The following OPHN1 variants were observed in gnomAD, a reference collection of about 807,000 sequenced individuals.
OPHN1 encodes the protein oligophrenin-1.
A neutral mutation model predicts 60.7 loss-of-function variants in OPHN1; 11 were observed. The observed-to-expected ratio is 0.18, with a 90% CI of 0.11 to 0.30. OPHN1 has a LOEUF of 0.30. Ranked by LOEUF, OPHN1 falls within the 10% of genes least tolerant of loss-of-function variation. OPHN1 has a pLI of 1.00. For synonymous variants in OPHN1, 226 were observed against 222.6 expected, an observed-to-expected ratio of 1.02 and a Z score of -0.14; for missense variants, 449 against 611.0, an observed-to-expected ratio of 0.73 and a Z score of 2.80.
rs774232652 is a variant in OPHN1, at chrX:68,042,814, G to A, written c.*4358C>T. On this transcript the variant is annotated 3_prime_UTR_variant, in exon 25 of 25. Coordinates refer to ENST00000355520, the MANE Select transcript of OPHN1 (RefSeq NM_002547.3). ...CAACCATTGTGGAAGTCAGTGTGGC[G>A]ATTCCTCAGGGATCTAGAACTAGAA... 19 of 66,729 alleles carry A rather than the reference G, an allele frequency of 2.8e-4. 1 individual carries two copies. The South Asian group carries it at 0.02, about 69-fold the overall frequency. The allele number at this position is 66,729 out of a possible 1,213,427, so 5.5% of individuals were successfully genotyped here.
At chrX:68,132,977 C>T (rs1021277317) in intron 15 of OPHN1, 1 of 461,774 alleles carries the variant, frequency 2.2e-6, no homozygotes, top group South Asian at 2.7e-5. Flanking sequence ...CACTCCGGGC[C>T]TCAGGCCCCC....
At chrX:68,192,075 TC>T (rs1211001964) in intron 15 of OPHN1, among the ~76,000 whole-genome samples, 1 of 107,905 alleles carries the variant, frequency 9.3e-6, no homozygotes, top group Non-Finnish European at 1.9e-5. Context: ...AAAAAATCAA[TC>T]AATAGAAAAA....
chrX:68,357,577 T>C (rs1018621544), intron 2 of OPHN1, among the ~76,000 whole-genome samples: 4 of 110,835 alleles, frequency 3.6e-5, no homozygotes, highest in Non-Finnish European at 7.5e-5. Context: ...ACAAAGGACA[T>C]GAACTCATCA....
chrX:68,406,652 T>C (rs140257288), intron 2 of OPHN1, among the ~76,000 whole-genome samples: 3,801 of 111,666 alleles, frequency 0.034, 64 homozygotes, highest in Non-Finnish European at 0.048. Context: ...ACTTCTACTA[T>C]GCATATGTAA....
chrX:68,310,715 A>G (rs1180098606), intron 2 of OPHN1, among the ~76,000 whole-genome samples: 1 of 111,862 alleles, frequency 8.9e-6, no homozygotes, highest in Non-Finnish European at 1.9e-5. Flanking sequence ...GATTATCTCA[A>G]AAGAAACAAG....
intron 15 of OPHN1, among the ~76,000 whole-genome samples, chrX:68,189,535 G>A (rs2077479011): frequency 9.7e-6 from 1 of 103,131 alleles, no homozygotes; most frequent in South Asian, 4.8e-4. Flanking sequence ...GCCCCAGTGT[G>A]TGATGTTCCC....
chrX:68,222,795 G>A (rs2077668401), intron 6 of OPHN1, among the ~76,000 whole-genome samples: 1 of 69,769 alleles, frequency 1.4e-5, no homozygotes, highest in East Asian at 5.9e-4. Flanking sequence ...GGGGGAGGGG[G>A]GAGGGATAGC....
At chrX:68,240,454 T>A (rs746045075) in intron 5 of OPHN1, among the ~76,000 whole-genome samples, 1 of 111,260 alleles carries the variant, frequency 9.0e-6, no homozygotes, top group East Asian at 2.8e-4. Context: ...TATATATCCG[T>A]CTACTCAGTC....
At chrX:68,317,372 AAAGAAAGGAAGGAAGG>A (rs1444572368) in intron 2 of OPHN1, among the ~76,000 whole-genome samples, 21 of 63,402 alleles carry the variant, frequency 3.3e-4, no homozygotes, top group Non-Finnish European at 4.4e-4. Context: ...AGAAAGAAAG[AAAGAAAGGAAGGAAGG>A]AAGGAAGGAA....
At chrX:68,208,097 TTATTC>T (rs2077568238) in intron 9 of OPHN1, among the ~76,000 whole-genome samples, 1 of 108,892 alleles carries the variant, frequency 9.2e-6, no homozygotes, top group African/African-American at 3.4e-5. Context: ...TTTCTTTCTT[TTATTC>T]ATTTTTGAGA....
At chrX:68,283,238 A>G (rs1237961834) in intron 3 of OPHN1, 121 bp from the exon 4 acceptor site, 8 of 540,691 alleles carry the variant, frequency 1.5e-5, no homozygotes, top group Non-Finnish European at 2.6e-5. Flanking sequence ...CACTAGAGGA[A>G]GGTGTCAAAT....
At chrX:68,197,622 T>A (rs776765133) in intron 11 of OPHN1, among the ~76,000 whole-genome samples, 2 of 111,021 alleles carry the variant, frequency 1.8e-5, no homozygotes, top group Admixed American at 1.9e-4. Flanking sequence ...AGCCACTTTG[T>A]CTGAGCTCTA....
Position 68,099,568 on chromosome X carries a change from A to C in OPHN1, c.1527-2539T>G, listed in dbSNP as rs757507056. On this transcript the variant is annotated intron_variant, in intron 18 of 24. Transcript: ENST00000355520. Reference sequence around the variant, plus strand: ...ATAACTTCTAGTTTTAAGAAAGGGAAATTCCTAGGTCACATCTAATGTAAC... The same window carrying C: ...ATAACTTCTAGTTTTAAGAAAGGGACATTCCTAGGTCACATCTAATGTAAC... 6.3e-5 allele frequency among the ~76,000 whole-genome samples: 7 copies of C among 111,699 alleles called. 1 individual carries two copies. The South Asian group carries it at 2.6e-3, about 42-fold the overall frequency.
At chrX:68,296,473 C>T (rs201444725) in intron 3 of OPHN1, among the ~76,000 whole-genome samples, 3 of 109,541 alleles carry the variant, frequency 2.7e-5, no homozygotes, top group Admixed American at 9.8e-5. Context: ...GCCTGGCCAA[C>T]GTGGTGAAAC....
chrX:68,247,770 A>C (rs2077814070), intron 5 of OPHN1, among the ~76,000 whole-genome samples: 2 of 107,552 alleles, frequency 1.9e-5, no homozygotes, highest in African/African-American at 3.5e-5. Flanking sequence ...AAAAAAAAAA[A>C]CACACAAAAA....
Position 68,133,475 on chromosome X carries a change from C to G in OPHN1, c.1277-14143G>C, listed in dbSNP as rs1199287405. 10 of 531,815 alleles carry G rather than the reference C, an allele frequency of 1.9e-5. No homozygotes were observed. The East Asian group carries it at 3.8e-4, about 20-fold the overall frequency. The allele number at this position is 531,815 out of a possible 1,213,427, so 43.8% of individuals were successfully genotyped here. ...TTATGTATCTGGGTACCAGGTTTAA[C>G]CTCAAGAGATGCCTGCTGTACACTT... On this transcript the variant is annotated intron_variant, in intron 15 of 24. Coordinates refer to ENST00000355520, the MANE Select transcript of OPHN1 (RefSeq NM_002547.3).
intron 7 of OPHN1, among the ~76,000 whole-genome samples, 177 bp downstream of exon 7, chrX:68,213,684 GA>G (rs1186319198): frequency 6.4e-5 from 7 of 108,877 alleles, no homozygotes; most frequent in Admixed American, 9.8e-5. Flanking sequence ...GGGTTGGGGG[GA>G]AAGAGAGAAA....
At chrX:68,161,794 A>G (rs890532688) in intron 15 of OPHN1, among the ~76,000 whole-genome samples, 6 of 111,482 alleles carry the variant, frequency 5.4e-5, no homozygotes, top group Admixed American at 1.9e-4. Flanking sequence ...ATAAAAGTCA[A>G]AACACCAAAA....
rs188712972 is a variant in OPHN1 at position 68,400,544 on chromosome X, A to T, written c.154+32323T>A. On this transcript the variant is annotated intron_variant, in intron 2 of 24. Coordinates refer to ENST00000355520, the MANE Select transcript of OPHN1 (RefSeq NM_002547.3). ...AGGAGGCCTCAGGAAACTTACAATCATGGGGAAAAGCGAAGGGGAAGCAGG... is the reference window on the plus strand; with the variant it reads ...AGGAGGCCTCAGGAAACTTACAATCTTGGGGAAAAGCGAAGGGGAAGCAGG... Among the ~76,000 whole-genome samples, 159 of 110,040 alleles carry T rather than the reference A, an allele frequency of 1.4e-3. 1 individual carries two copies. The highest frequency in any genetic ancestry group is 4.8e-3 in the African/African-American group (148 of 30,624).
Sources: allele counts gnomAD v4.1 joint callset (sites outside exome capture counted in the v4.1 genomes callset), GRCh38; gene constraint gnomAD v4.1.1; transcripts MANE v1.5; gene names NCBI Gene and HGNC (gene_info 2026-07-23, HGNC 2026-07-21).